The following CELF2 variants were observed in gnomAD, a reference collection of about 807,000 sequenced individuals.
CELF2 encodes the protein CUGBP Elav-like family member 2, also known as CUG triplet repeat RNA-binding protein 2.
CELF2 carries 8 observed loss-of-function variants against 62.6 expected under a neutral mutation model. The ratio of observed to expected loss-of-function variants is 0.13; its 90% CI spans 0.07 to 0.23. The LOEUF (loss-of-function observed/expected upper bound fraction) is 0.23. CELF2 is among the 10% of genes least tolerant of loss of function. The pLI is 1.00. For synonymous variants in CELF2, 258 were observed against 250.0 expected, an observed-to-expected ratio of 1.03 and a Z score of -0.30; for missense variants, 333 against 671.0, an observed-to-expected ratio of 0.50 and a Z score of 5.56.
At chr10:11,027,967 C>T (rs913664793) in intron 1 of CELF2, among the ~76,000 whole-genome samples, 3 of 152,154 alleles carry the variant, frequency 2.0e-5, no homozygotes, top group Admixed American at 6.5e-5. Flanking sequence ...CCGCATTTCC[C>T]GGGAGAATCA....
intron 8 of CELF2, among the ~76,000 whole-genome samples, chr10:11,286,450 G>C (rs191045512): frequency 6.6e-6 from 1 of 152,368 alleles, no homozygotes; most frequent in African/African-American, 2.4e-5. Context: ...GGCATGGACA[G>C]ACCTGCGTGA....
chr10:11,164,150 T>A (rs947492354), intron 1 of CELF2, among the ~76,000 whole-genome samples: 2 of 152,230 alleles, frequency 1.3e-5, no homozygotes, highest in Admixed American at 1.3e-4. Flanking sequence ...GCCTTCTATT[T>A]TCACAGGCTG....
chr10:10,708,440 T>C, the CELF2 span, among the ~76,000 whole-genome samples: 1 of 152,214 alleles, frequency 6.6e-6, no homozygotes, highest in Admixed American at 6.5e-5. Context: ...GGCAATGACA[T>C]TAAATGATTC....
At chr10:10,842,362 T>C (rs1410156258) in intron 1 of CELF2, among the ~76,000 whole-genome samples, 1 of 152,108 alleles carries the variant, frequency 6.6e-6, no homozygotes, top group Non-Finnish European at 1.5e-5. Context: ...CATCTTTTCC[T>C]TATTCGTGGT....
At chr10:11,258,390 A>G (rs1426839745) in intron 5 of CELF2, among the ~76,000 whole-genome samples, 10 of 152,174 alleles carry the variant, frequency 6.6e-5, no homozygotes, top group African/African-American at 2.4e-4. Context: ...TTTATTTCAA[A>G]GAGCAAAACT....
the CELF2 span, among the ~76,000 whole-genome samples, chr10:10,550,931 C>T: frequency 1.3e-5 from 2 of 152,154 alleles, no homozygotes; most frequent in Non-Finnish European, 2.9e-5. Flanking sequence ...CTCCCAACCT[C>T]AGGTGATCCA....
At chr10:10,707,244 G>T in the CELF2 span, among the ~76,000 whole-genome samples, 1 of 152,096 alleles carries the variant, frequency 6.6e-6, no homozygotes, top group Admixed American at 6.6e-5. Flanking sequence ...TTACAATCAC[G>T]CAGTTTGACT....
intron 8 of CELF2, among the ~76,000 whole-genome samples, chr10:11,282,831 T>C (rs1318209981): frequency 6.6e-6 from 1 of 152,182 alleles, no homozygotes; most frequent in Non-Finnish European, 1.5e-5. Context: ...TGCGCTGCCT[T>C]CGGGAGGTGG....
the CELF2 span, among the ~76,000 whole-genome samples, chr10:10,706,396 T>A: frequency 6.6e-6 from 1 of 152,176 alleles, no homozygotes; most frequent in Admixed American, 6.5e-5. Flanking sequence ...CATTAATTCA[T>A]CTCCCTGTTC....
rs1491346882 is a variant in CELF2 at position 11,285,878 on chromosome 10, T to TG, written c.842-2540_842-2539insG. ...GTGTGTGTGTGTGTGTGTGTGTGTGTTTTTACATGGACTTGAAAATGAGTA... is the reference window on the plus strand; with the variant it reads ...GTGTGTGTGTGTGTGTGTGTGTGTGTGTTTTACATGGACTTGAAAATGAGTA... On this transcript the variant is annotated intron_variant, in intron 8 of 12. Coordinates refer to ENST00000633077, the MANE Select transcript of CELF2 (RefSeq NM_001326342.2). The surrounding 1 kb of genome is among the most constrained non-coding windows in gnomAD (Gnocchi z 4.3). Among the ~76,000 whole-genome samples, 16,207 of 104,952 alleles carry TG rather than the reference T, an allele frequency of 0.15. 1,400 individuals are homozygous for TG. Among genetic ancestry groups the TG allele is most frequent in the East Asian group, 0.46 (1,772 of 3,868 alleles). The allele number at this position is 104,952 out of a possible 152,430, so 68.9% of individuals were successfully genotyped here. A position where few individuals can be genotyped will look rare whatever the true frequency, so the allele number is the denominator to read the frequency against.
intron 4 of CELF2, among the ~76,000 whole-genome samples, chr10:11,251,270 A>ATTTTTTTTTTTTTTTTTTT (rs66615560): frequency 4.7e-5 from 3 of 63,310 alleles, no homozygotes; most frequent in African/African-American, 1.3e-4. Context: ...ACACAAAGGG[A>ATTTTTTTTTTTTTTTTTTT]TTTTTTTTTT....
intron 1 of CELF2, among the ~76,000 whole-genome samples, chr10:11,131,769 CT>C (rs2059662129): frequency 6.6e-6 from 1 of 152,074 alleles, no homozygotes; most frequent in Admixed American, 6.6e-5. Context: ...GCTTTGGTGA[CT>C]TTTTTTGGGA....
chr10:10,822,927 G>T (rs987168373), intron 1 of CELF2, among the ~76,000 whole-genome samples: 2 of 152,144 alleles, frequency 1.3e-5, no homozygotes, highest in Non-Finnish European at 2.9e-5. Flanking sequence ...GACCATTTCT[G>T]TACAGATCTA....
intron 1 of CELF2, among the ~76,000 whole-genome samples, chr10:11,099,799 G>T (rs985014167): frequency 2.0e-5 from 3 of 150,736 alleles, no homozygotes; most frequent in Non-Finnish European, 4.4e-5. Context: ...TATTTTTATT[G>T]GTAAAACTCT....
chr10:10,680,783 C>T, the CELF2 span, among the ~76,000 whole-genome samples: 3 of 152,064 alleles, frequency 2.0e-5, no homozygotes, highest in Non-Finnish European at 2.9e-5. Flanking sequence ...TTTCCCAGGG[C>T]GAAGGGAAAA....
chr10:10,543,001 T>G, the CELF2 span, among the ~76,000 whole-genome samples: 2 of 152,244 alleles, frequency 1.3e-5, no homozygotes, highest in African/African-American at 2.4e-5. Flanking sequence ...ATAATTCAGC[T>G]GCCCCTGTAT....
rs2096110901 is a variant in CELF2, at chr10:11,335,871, T to C, written c.*6818T>C. The C allele has an allele frequency of 6.6e-6, 1 of 152,248 alleles. No individual in the cohort carries two copies. Among genetic ancestry groups the C allele is most frequent in the South Asian group, 2.1e-4 (1 of 4,834 alleles). 9.4% of individuals were successfully genotyped at this position (152,248 alleles called of 1,614,324 possible). ...AAGGAAGAGAAAGACAAAGCCAGTT[T>C]TTGTTGCTTTTCTAAAGCAACAAAT... is the stretch of plus-strand genomic sequence containing the variant. On this transcript the variant is annotated 3_prime_UTR_variant, in exon 13 of 13. Coordinates refer to ENST00000633077, the MANE Select transcript of CELF2 (RefSeq NM_001326342.2). The surrounding 1 kb of genome is among the most constrained non-coding windows in gnomAD (Gnocchi z 5.0).
At chr10:10,645,522 C>T in the CELF2 span, among the ~76,000 whole-genome samples, 2 of 152,086 alleles carry the variant, frequency 1.3e-5, no homozygotes, top group Admixed American at 6.5e-5. Context: ...GGCATGGTAG[C>T]ACGCCCATGT....
intron 1 of CELF2, among the ~76,000 whole-genome samples, chr10:11,054,025 C>T (rs952781951): frequency 6.6e-6 from 1 of 152,120 alleles, no homozygotes; most frequent in African/African-American, 2.4e-5. Context: ...CATTTTGATA[C>T]TATCTAAACA....
Sources: allele counts gnomAD v4.1 joint callset (sites outside exome capture counted in the v4.1 genomes callset), GRCh38; gene constraint gnomAD v4.1.1; non-coding constraint Gnocchi (gnomAD v3.1); transcripts MANE v1.5; gene names NCBI Gene and HGNC (gene_info 2026-07-23, HGNC 2026-07-21).